The following ST8SIA2 variants were observed in gnomAD, a reference collection of about 807,000 sequenced individuals.
The protein encoded by ST8SIA2 is ST8 alpha-N-acetyl-neuraminide alpha-2,8-sialyltransferase 2.
ST8SIA2 carries 22 observed loss-of-function variants against 37.6 expected under a neutral mutation model. The ratio of observed to expected loss-of-function variants is 0.58; its 90% CI spans 0.42 to 0.83. The LOEUF (loss-of-function observed/expected upper bound fraction) is 0.83, where lower values mean the gene tolerates loss of function less well. Ranked by LOEUF, ST8SIA2 falls within the 40% of genes least tolerant of loss-of-function variation. The probability of loss-of-function intolerance (pLI) is 0.00; values close to 1 mark genes in which losing one functional copy is unlikely to be tolerated. For missense variants in ST8SIA2, 382 were observed against 484.7 expected, an observed-to-expected ratio of 0.79 and a Z score of 1.99; for synonymous variants, 205 against 201.2, an observed-to-expected ratio of 1.02 and a Z score of -0.16.
rs2049761282 is a variant in ST8SIA2 at position 92,436,750 on chromosome 15, AG to A, written c.291-1600del. 2.6e-5 allele frequency among the ~76,000 whole-genome samples: 4 copies of A among 152,216 alleles called. No homozygotes were observed. In the South Asian group the frequency reaches 8.3e-4, roughly 32 times the overall value. ...ATCAACAGATACGAATTATTCTACA[AG>A]GGTGGTTTCCCCTACATGATAGCAA... On this transcript the variant is annotated intron_variant, in intron 3 of 5. Coordinates refer to ENST00000268164, the MANE Select transcript of ST8SIA2 (RefSeq NM_006011.4).
In ST8SIA2 at chr15:92,413,528, C is replaced by T. The variant is rs567819439; in HGVS notation, c.99-16521C>T. ...AAACAGGGAAGCCATGTCCCATTTC[C>T]CTCCTCCTCCCGGCCAGTGGGTGGG... On this transcript the variant is annotated intron_variant, in intron 1 of 5. Coordinates refer to ENST00000268164, the MANE Select transcript of ST8SIA2 (RefSeq NM_006011.4). Among the ~76,000 whole-genome samples the T allele has an allele frequency of 3.0e-4, 46 of 152,204 alleles. No homozygotes were observed. In the South Asian group the frequency reaches 9.6e-3, roughly 32 times the overall value.
rs55783719 is a variant in ST8SIA2 at position 92,427,260 on chromosome 15, CAAAAAAA to C, written c.99-2775_99-2769del. 2.5e-3 allele frequency among the ~76,000 whole-genome samples: 261 copies of C among 102,626 alleles called. 2 individuals carry two copies. Among genetic ancestry groups the C allele is most frequent in the African/African-American group, 8.1e-3 (236 of 29,082 alleles). 67.3% of individuals were successfully genotyped at this position (102,626 alleles called of 152,430 possible). ...AGCTGGTGGGAGGTTGGGCACTTGG[CAAAAAAA>C]AAAAAAAAAAAAAGCAAAGATTAAT... On this transcript the variant is annotated intron_variant, in intron 1 of 5. Coordinates refer to ENST00000268164, the MANE Select transcript of ST8SIA2 (RefSeq NM_006011.4).
At chr15:92,449,093 G>T (rs2049863533) in intron 5 of ST8SIA2, among the ~76,000 whole-genome samples, 1 of 152,084 alleles carries the variant, frequency 6.6e-6, no homozygotes, top group Non-Finnish European at 1.5e-5. Context: ...GCTGAGGTTT[G>T]TGATACAAAC....
At chr15:92,394,387 C>T (rs2049413915) in intron 1 of ST8SIA2, among the ~76,000 whole-genome samples, 1 of 151,908 alleles carries the variant, frequency 6.6e-6, no homozygotes, top group Non-Finnish European at 1.5e-5. Context: ...GCGGGGTTCA[C>T]GGGAAGCCCC....
intron 1 of ST8SIA2, chr15:92,422,729 A>C (rs2049645188): frequency 6.5e-6 from 1 of 152,712 alleles, no homozygotes. Context: ...GTGGAAAAGA[A>C]GATGGGTAGC....
intron 1 of ST8SIA2, among the ~76,000 whole-genome samples, chr15:92,397,582 T>C (rs1312034321): frequency 6.6e-6 from 1 of 152,180 alleles, no homozygotes; most frequent in Admixed American, 6.5e-5. Flanking sequence ...TTTGGTAAAA[T>C]AGGCCCTGAT....
intron 2 of ST8SIA2, among the ~76,000 whole-genome samples, chr15:92,430,408 A>T (rs1175636609): frequency 6.6e-6 from 1 of 152,208 alleles, no homozygotes; most frequent in African/African-American, 2.4e-5. Context: ...TCAAACTTGC[A>T]TGTTTGCTGA....
intron 5 of ST8SIA2, among the ~76,000 whole-genome samples, chr15:92,460,571 C>T (rs916275698): frequency 1.3e-5 from 2 of 152,226 alleles, no homozygotes; most frequent in Non-Finnish European, 2.9e-5. Context: ...AAGCTTAGCT[C>T]CGTTGAGCGT....
chr15:92,440,620 T>A (rs6496938), intron 4 of ST8SIA2, among the ~76,000 whole-genome samples: 82,816 of 152,034 alleles, frequency 0.54, 22,859 homozygotes, highest in East Asian at 0.71. Context: ...GGTGGACCTG[T>A]GGGGTGTTTT....
chr15:92,442,615 T>A (rs925686074), intron 4 of ST8SIA2, among the ~76,000 whole-genome samples: 8 of 152,102 alleles, frequency 5.3e-5, no homozygotes, highest in Non-Finnish European at 1.0e-4. Context: ...GAAGCCTGGC[T>A]CAGCCGGGTT....
intron 1 of ST8SIA2, among the ~76,000 whole-genome samples, chr15:92,423,368 C>G (rs754108449): frequency 3.9e-5 from 6 of 152,230 alleles, no homozygotes; most frequent in Non-Finnish European, 7.3e-5. Flanking sequence ...GTGCAGTGAG[C>G]TGAGATCACG....
At chr15:92,439,794 G>A (rs1003427080) in intron 4 of ST8SIA2, among the ~76,000 whole-genome samples, 12 of 152,098 alleles carry the variant, frequency 7.9e-5, no homozygotes, top group African/African-American at 2.9e-4. Flanking sequence ...GGGAGGGTGA[G>A]GGGAGGGGAA....
At chr15:92,438,923 A>C (rs1241580146) in intron 4 of ST8SIA2, among the ~76,000 whole-genome samples, 1 of 152,192 alleles carries the variant, frequency 6.6e-6, no homozygotes, top group Non-Finnish European at 1.5e-5. Context: ...AGATGGGCAG[A>C]TGCTGGCCTG....
intron 4 of ST8SIA2, among the ~76,000 whole-genome samples, chr15:92,440,340 A>G (rs1048803783): frequency 2.0e-5 from 3 of 152,130 alleles, no homozygotes; most frequent in Non-Finnish European, 2.9e-5. Context: ...GCCTATTGAC[A>G]TGCAGAGTTT....
At chr15:92,424,075 T>C (rs923415684) in intron 1 of ST8SIA2, among the ~76,000 whole-genome samples, 1 of 152,162 alleles carries the variant, frequency 6.6e-6, no homozygotes, top group African/African-American at 2.4e-5. Flanking sequence ...CATTCATTAG[T>C]CTCCCAAAAA....
intron 1 of ST8SIA2, among the ~76,000 whole-genome samples, chr15:92,396,005 AGCCTAC>A (rs2049427861): frequency 6.6e-6 from 1 of 152,196 alleles, no homozygotes; most frequent in Non-Finnish European, 1.5e-5. Flanking sequence ...TGCACGGTGA[AGCCTAC>A]GCTCCCCACA....
At chr15:92,438,707 C>G in intron 4 of ST8SIA2, 97 bp downstream of exon 4, 1 of 1,444,990 alleles carries the variant, frequency 6.9e-7, no homozygotes, top group Non-Finnish European at 9.1e-7. Flanking sequence ...AAACAAGAGG[C>G]CCTGGTGGAG....
intron 1 of ST8SIA2, among the ~76,000 whole-genome samples, chr15:92,403,002 G>A (rs2049482695): frequency 6.6e-6 from 1 of 152,172 alleles, no homozygotes; most frequent in African/African-American, 2.4e-5. Context: ...AAGGGAAGGA[G>A]GGAGGGAGTG....
intron 5 of ST8SIA2, among the ~76,000 whole-genome samples, chr15:92,457,494 T>C (rs1185079356): frequency 6.6e-6 from 1 of 152,192 alleles, no homozygotes; most frequent in African/African-American, 2.4e-5. Context: ...GGCTTCTAAT[T>C]AAAATCTCAA....
Sources: gnomAD v4.1 joint callset for allele counts (sites outside exome capture counted in the v4.1 genomes callset) on GRCh38, gnomAD v4.1.1 for gene constraint, MANE v1.5 for transcripts, NCBI Gene and HGNC (gene_info 2026-07-23, HGNC 2026-07-21) for gene names.